C2CD2: variants seen among roughly 807,000 people sequenced by gnomAD.
C2CD2 encodes C2 calcium dependent domain containing 2, also known as C2 domain-containing protein 2.
In C2CD2, 43 loss-of-function variants were observed where a neutral mutation model predicts 74.3. The ratio of observed to expected loss-of-function variants is 0.58; its 90% CI spans 0.45 to 0.75. The LOEUF is 0.75. C2CD2 is among the 30% of genes least tolerant of loss of function. The pLI, the probability that C2CD2 is intolerant of heterozygous loss-of-function variation, is 0.00. For synonymous variants in C2CD2, 422 were observed against 390.7 expected (o/e 1.08, Z -0.94); for missense variants, 801 against 916.3 (o/e 0.87, Z 1.63).
At chr21:41,907,229 GTA>G (rs2064973511) in intron 9 of C2CD2, 63 bp from the exon 10 acceptor site, 1 of 1,273,898 alleles carries the variant, frequency 7.8e-7, no homozygotes, top group Admixed American at 1.7e-5. Flanking sequence ...GATCAGCCAG[GTA>G]ACACTGCCTT....
rs991014581 is a variant in C2CD2, at chr21:41,895,713, A to G, written c.1870+3340T>C. 6.6e-6 allele frequency among the ~76,000 whole-genome samples: 1 copy of G among 152,274 alleles called. No individual in the cohort carries two copies. Among genetic ancestry groups the G allele is most frequent in the Admixed American group, 6.5e-5 (1 of 15,290 alleles). The stretch of plus-strand genomic sequence containing the variant: ...TTTAAACATAATTAATCTAAATTAT[A>G]GCTCTAATGTCATAAATATTTCCAA... On this transcript the variant is annotated intron_variant, in intron 13 of 13. Transcript: ENST00000380486. This position sits in a 1 kb window ranked among gnomAD's most constrained non-coding sequence, Gnocchi z 5.0.
Position 41,944,989 on chromosome 21 carries a change from C to A in C2CD2, c.280-2744G>T, listed in dbSNP as rs189172880. 1.2e-3 allele frequency among the ~76,000 whole-genome samples: 189 copies of A among 152,262 alleles called. 2 individuals carry two copies. Among genetic ancestry groups the A allele is most frequent in the African/African-American group, 4.3e-3 (180 of 41,560 alleles). ...GGGGATGGGAAAAACACGGATATAA[C>A]CTAAGAAGCTTGGAAAACTGCATCT... On this transcript the variant is annotated intron_variant, in intron 1 of 13. Coordinates refer to ENST00000380486, the MANE Select transcript of C2CD2 (RefSeq NM_015500.2).
chr21:41,907,738 C>G lies in C2CD2; in HGVS notation c.1065G>C (p.Gln355His). 6.2e-7 allele frequency: 1 copy of G among 1,613,738 alleles called. No individual in the cohort carries two copies. The highest frequency in any genetic ancestry group is 8.5e-7 in the Non-Finnish European group (1 of 1,179,916). Residue 355 changes from glutamine to histidine, a missense_variant, in exon 9 of 14, where the codon CAG becomes CAC. By Grantham distance (24) the Gln-to-His change is conservative (BLOSUM62 0). Transcript: ENST00000380486. Reference sequence around the variant, plus strand: ...GCGTGAAGCTCTGTGGCCCAGAAGGCTGCTTCTTAAATAAGTCCAGAGGAA... The same window carrying G: ...GCGTGAAGCTCTGTGGCCCAGAAGGGTGCTTCTTAAATAAGTCCAGAGGAA... Reference protein sequence around the residue: ...ATVPLDLFKKQPSGPQSFTLT... With the variant: ...ATVPLDLFKKHPSGPQSFTLT...
chr21:41,896,726 A>G (rs571102109), intron 13 of C2CD2, among the ~76,000 whole-genome samples: 1 of 151,742 alleles, frequency 6.6e-6, no homozygotes, highest in Admixed American at 6.6e-5. Context: ...AAAAAAAAAA[A>G]AAACAAGCTT....
intron 8 of C2CD2, 67 bp from the exon 9 acceptor site, chr21:41,907,851 G>GC: frequency 6.4e-7 from 1 of 1,556,478 alleles, no homozygotes; most frequent in Non-Finnish European, 8.9e-7. Context: ...GGACGGAAAG[G>GC]CCCACACGCC....
chr21:41,911,388 C>CTTTTTTTTTTTTTTTTTTTTTTTTTTTTT (rs58934224), intron 7 of C2CD2, among the ~76,000 whole-genome samples: 1 of 116,756 alleles, frequency 8.6e-6, no homozygotes, highest in African/African-American at 3.2e-5. Context: ...TATCTCGATT[C>CTTTTTTTTTTTTTTTTTTTTTTTTTTTTT]TTTTTTTTTT....
intron 3 of C2CD2, among the ~76,000 whole-genome samples, chr21:41,919,871 G>T (rs2065136696): frequency 6.6e-6 from 1 of 152,180 alleles, no homozygotes; most frequent in African/African-American, 2.4e-5. Context: ...ACAGGGAGAG[G>T]ACCTCAAGAT....
chr21:41,916,862 G>A (rs1014384815), intron 5 of C2CD2, among the ~76,000 whole-genome samples: 6 of 152,204 alleles, frequency 3.9e-5, no homozygotes, highest in Non-Finnish European at 7.4e-5. Flanking sequence ...ATATACGACT[G>A]TTTTATGAAG....
chr21:41,925,236 A>G (rs1310359944), intron 2 of C2CD2, among the ~76,000 whole-genome samples: 1 of 152,152 alleles, frequency 6.6e-6, no homozygotes, highest in East Asian at 1.9e-4. Context: ...CTGTAATCCC[A>G]GTGCTTTGGG....
At chr21:41,935,195 G>C (rs973469511) in intron 2 of C2CD2, among the ~76,000 whole-genome samples, 3 of 152,210 alleles carry the variant, frequency 2.0e-5, no homozygotes, top group African/African-American at 7.2e-5. Context: ...GGCCAGCCTT[G>C]ACTCTTATGT....
At chr21:41,933,261 T>TA (rs1052910800) in intron 2 of C2CD2, among the ~76,000 whole-genome samples, 2 of 75,514 alleles carry the variant, frequency 2.6e-5, no homozygotes, top group Admixed American at 1.3e-4. Context: ...TCTGTTACAG[T>TA]TTTTTTTTTT....
chr21:41,932,522 C>A lies in C2CD2; in HGVS notation c.378+9625G>T, dbSNP rs553743028. Reference sequence around the variant, plus strand: ...TGGGGGCCGTCTTGCGGGACCTAGCCCTGGGCCTTTGGGATCTGTGTTAAG... The same window carrying A: ...TGGGGGCCGTCTTGCGGGACCTAGCACTGGGCCTTTGGGATCTGTGTTAAG... On this transcript the variant is annotated intron_variant, in intron 2 of 13. Transcript: ENST00000380486. 2.0e-5 allele frequency among the ~76,000 whole-genome samples: 3 copies of A among 150,584 alleles called. No homozygotes were observed. The East Asian group carries it at 5.9e-4, about 29-fold the overall frequency.
rs755271740 is a variant in C2CD2 at position 41,907,181 on chromosome 21, C to T, written c.1144-15G>A. 25 of 1,611,928 alleles carry T rather than the reference C, an allele frequency of 1.6e-5. No homozygotes were observed. The highest frequency in any genetic ancestry group is 1.6e-4 in the Middle Eastern group (1 of 6,078). The stretch of plus-strand genomic sequence containing the variant: ...ATGTAAGAGAACTGCAGAGAAGACG[C>T]GTTACTTGTTTCTGGTTTTGTGGAA... On this transcript the variant is annotated splice_polypyrimidine_tract_variant and intron_variant, in intron 9 of 13. Transcript: ENST00000380486.
rs140096611 is a variant in C2CD2, at chr21:41,899,014, A to C, written c.1870+39T>G. The C allele has an allele frequency of 2.7e-3, 4,107 of 1,529,154 alleles. 35 individuals are homozygous for C. In the Middle Eastern group the frequency reaches 0.028, roughly 10 times the overall value. 94.7% of individuals were successfully genotyped at this position (1,529,154 alleles called of 1,614,324 possible). A position where few individuals can be genotyped will look rare whatever the true frequency, so the allele number is the denominator to read the frequency against. Reference sequence around the variant, plus strand: ...AAGCCAGCATGAGCGCAAAGCCACCAAGTGGGGGGCCCGGGATGGGGGGCT... The same window carrying C: ...AAGCCAGCATGAGCGCAAAGCCACCCAGTGGGGGGCCCGGGATGGGGGGCT... On this transcript the variant is annotated intron_variant, in intron 13 of 13. Coordinates refer to ENST00000380486, the MANE Select transcript of C2CD2 (RefSeq NM_015500.2). This position sits in a 1 kb window ranked among gnomAD's most constrained non-coding sequence, Gnocchi z 4.4.
rs1360131458 is a variant in C2CD2, at chr21:41,929,871, G to C, written c.379-7786C>G. ...GAGTATGATGAACAAGAGCAGGTCT[G>C]GTATAAAGACAGTGACTTTGCATTC... On this transcript the variant is annotated intron_variant, in intron 2 of 13. Transcript: ENST00000380486. This position sits in a 1 kb window ranked among gnomAD's most constrained non-coding sequence, Gnocchi z 4.6. 6.6e-6 allele frequency among the ~76,000 whole-genome samples: 1 copy of C among 152,218 alleles called. No individual in the cohort carries two copies. Among genetic ancestry groups the C allele is most frequent in the African/African-American group, 2.4e-5 (1 of 41,450 alleles).
At chr21:41,907,527 A>C in intron 9 of C2CD2, 133 bp downstream of exon 9, 2 of 973,578 alleles carry the variant, frequency 2.1e-6, no homozygotes, top group Non-Finnish European at 3.0e-6. Flanking sequence ...CGTACGATGA[A>C]ACAGCATCTC....
rs139180153 is a variant in C2CD2, at chr21:41,905,794, C to T, written c.1362G>A (p.Lys454=). 3.2e-5 allele frequency: 51 copies of T among 1,611,628 alleles called. 1 individual carries two copies. In the African/African-American group the frequency reaches 3.5e-4, roughly 11 times the overall value. The change falls in exon 11 of 14, where the codon AAG becomes AAA. Residue 454 remains lysine, a synonymous_variant. Coordinates refer to ENST00000380486, the MANE Select transcript of C2CD2 (RefSeq NM_015500.2). Reference sequence around the variant, plus strand: ...AGGCGATGGCCTGGACAGAGATGTCCTTCTCGATCACCTTCACCTTGATGG... The same window carrying T: ...AGGCGATGGCCTGGACAGAGATGTCTTTCTCGATCACCTTCACCTTGATGG... The part of the protein sequence containing the change: ...KTPIKVKVIE[K]DISVQAIACR...
In C2CD2 at chr21:41,922,027, G is replaced by A. The variant is rs750281255; in HGVS notation, c.437C>T (p.Ala146Val). 9.9e-6 allele frequency: 16 copies of A among 1,614,000 alleles called. No homozygotes were observed. In the Admixed American group the frequency reaches 1.8e-4, roughly 18 times the overall value. The change falls in exon 3 of 14, where the codon GCC (alanine) becomes GTC (valine). Residue 146 changes from alanine to valine, a missense_variant. Transcript: ENST00000380486. ...AIQFLVSETP[A>V]LGAGCRLYDM... ...GTACAGCCGGCATCCAGCACCCAAG[G>A]CAGGCGTCTCGCTGACCAAGAACTG...
At chr21:41,909,581 G>A in intron 7 of C2CD2, 58 bp from the exon 8 acceptor site, 1 of 1,117,082 alleles carries the variant, frequency 9.0e-7, no homozygotes, top group Admixed American at 1.7e-5. Flanking sequence ...TTCTTTTTAT[G>A]AAATAGAGTG....
Sources: allele counts gnomAD v4.1 joint callset (sites outside exome capture counted in the v4.1 genomes callset), GRCh38; gene constraint gnomAD v4.1.1; non-coding constraint Gnocchi (gnomAD v3.1); transcripts MANE v1.5; gene names NCBI Gene and HGNC (gene_info 2026-07-23, HGNC 2026-07-21).